CLTB: variants seen among roughly 807,000 people sequenced by gnomAD.
The protein encoded by CLTB is clathrin light chain B.
Under a neutral mutation model 30.5 loss-of-function variants are expected in CLTB, and 10 were observed. The ratio of observed to expected loss-of-function variants is 0.33; its 90% CI spans 0.20 to 0.56. The LOEUF (loss-of-function observed/expected upper bound fraction) is 0.56, where lower values mean the gene tolerates loss of function less well. Ranked by LOEUF, CLTB falls within the 20% of genes least tolerant of loss-of-function variation. CLTB has a pLI of 0.91. For missense variants in CLTB, 261 were observed against 308.3 expected, an observed-to-expected ratio of 0.85 and a Z score of 1.15; for synonymous variants, 102 against 120.3, an observed-to-expected ratio of 0.85 and a Z score of 1.00.
intron 1 of CLTB, among the ~76,000 whole-genome samples, 198 bp from the exon 2 acceptor site, chr5:176,410,501 T>C (rs1034200987): frequency 2.0e-5 from 3 of 152,134 alleles, no homozygotes; most frequent in Non-Finnish European, 4.4e-5. Flanking sequence ...CTCACAGCCA[T>C]TAGTACATTT....
chr5:176,415,276 A>C (rs1348218021), intron 1 of CLTB, among the ~76,000 whole-genome samples: 1 of 152,166 alleles, frequency 6.6e-6, no homozygotes, highest in African/African-American at 2.4e-5. Context: ...GAAGGGCCCT[A>C]CCGCATCTGA....
chr5:176,399,059 A>G (rs1238678578), intron 2 of CLTB, among the ~76,000 whole-genome samples: 1 of 151,948 alleles, frequency 6.6e-6, no homozygotes, highest in African/African-American at 2.4e-5. Flanking sequence ...GGTCAGGCTG[A>G]TCTCGAACTC....
chr5:176,394,910 C>G (rs2113624497), intron 5 of CLTB, among the ~76,000 whole-genome samples: 1 of 152,288 alleles, frequency 6.6e-6, no homozygotes, highest in East Asian at 1.9e-4. Flanking sequence ...TCAACAGAAG[C>G]ATCGAGCCCC....
intron 4 of CLTB, among the ~76,000 whole-genome samples, chr5:176,397,142 T>G (rs1023780973): frequency 6.6e-6 from 1 of 152,062 alleles, no homozygotes; most frequent in African/African-American, 2.4e-5. Context: ...CCTCCTTATC[T>G]CCATCTCCTC....
At chr5:176,400,120 C>T (rs1215171360) in intron 2 of CLTB, among the ~76,000 whole-genome samples, 3 of 150,206 alleles carry the variant, frequency 2.0e-5, no homozygotes, top group South Asian at 2.1e-4. Flanking sequence ...GAATCCGGGG[C>T]GGGGCAGGGG....
In CLTB at chr5:176,395,481, C is replaced by T. The variant is rs534150689; in HGVS notation, c.518+998G>A. Among the ~76,000 whole-genome samples, 578 of 152,324 alleles carry T rather than the reference C, an allele frequency of 3.8e-3. 4 individuals are homozygous for T. The highest frequency in any genetic ancestry group is 6.3e-3 in the Admixed American group (97 of 15,300). On this transcript the variant is annotated intron_variant, in intron 5 of 5. Coordinates refer to ENST00000310418, the MANE Select transcript of CLTB (RefSeq NM_007097.5). ...CGAAGGCTCTGGTGTGCTCTGTGCC[C>T]TGTGAGAGGAGGCTTAGCCTCGACA... is the stretch of plus-strand genomic sequence containing the variant.
intron 1 of CLTB, among the ~76,000 whole-genome samples, chr5:176,410,540 T>C (rs1271984197): frequency 6.6e-6 from 1 of 152,184 alleles, no homozygotes; most frequent in Non-Finnish European, 1.5e-5. Flanking sequence ...GCAATGAAAT[T>C]GTTGTCAACC....
intron 2 of CLTB, 141 bp downstream of exon 2, chr5:176,410,116 C>T: frequency 1.4e-6 from 1 of 717,100 alleles, no homozygotes; most frequent in South Asian, 1.9e-5. Flanking sequence ...ATTCCAAAAA[C>T]CTTTCTCTAT....
intron 5 of CLTB, among the ~76,000 whole-genome samples, chr5:176,395,607 T>C (rs1756481952): frequency 1.3e-5 from 2 of 152,112 alleles, no homozygotes; most frequent in Non-Finnish European, 2.9e-5. Flanking sequence ...CTCTACCAAC[T>C]AACTGACGTC....
chr5:176,393,079 G>A lies in CLTB; in HGVS notation c.519-134C>T, dbSNP rs748404741. 135 of 988,306 alleles carry A rather than the reference G, an allele frequency of 1.4e-4. No homozygotes were observed. Among genetic ancestry groups the A allele is most frequent in the Non-Finnish European group, 2.0e-4 (128 of 646,616 alleles). 61.2% of individuals were successfully genotyped at this position (988,306 alleles called of 1,614,324 possible). On this transcript the variant is annotated intron_variant, in intron 5 of 5. Coordinates refer to ENST00000310418, the MANE Select transcript of CLTB (RefSeq NM_007097.5). The surrounding 1 kb of genome is among the most constrained non-coding windows in gnomAD (Gnocchi z 4.4). ...GCCTTGTGCCCCCCTGACTTCAGAG[G>A]AGGGCAGCCTTGGCGCAGGAGGAAG...
intron 2 of CLTB, among the ~76,000 whole-genome samples, chr5:176,401,522 A>G (rs536448560): frequency 2.0e-5 from 3 of 152,224 alleles, no homozygotes; most frequent in Admixed American, 1.3e-4. Flanking sequence ...TCTGAGAAAA[A>G]GGCACCACAG....
At chr5:176,410,138 A>T in intron 2 of CLTB, 119 bp downstream of exon 2, 1 of 855,936 alleles carries the variant, frequency 1.2e-6, no homozygotes, top group Non-Finnish European at 1.9e-6. Context: ...TTTCCACCCC[A>T]ATGCATCAGA....
chr5:176,416,349 A>G lies in CLTB; in HGVS notation c.15T>C (p.Phe5=), dbSNP rs767330017. MADD[F]GFFSSSESGA... ...CGCTCTCCGACGACGAGAAGAAGCC[A>G]AAGTCATCAGCCATTTTCCCCGCGC... Residue 5 remains phenylalanine (F), a synonymous_variant, in exon 1 of 6, where the codon TTT becomes TTC. Transcript: ENST00000310418. 1.3e-6 allele frequency: 2 copies of G among 1,598,528 alleles called. No individual in the cohort carries two copies. The highest frequency in any genetic ancestry group is 1.7e-5 in the Admixed American group (1 of 58,960).
intron 2 of CLTB, among the ~76,000 whole-genome samples, chr5:176,402,533 G>A (rs1472839642): frequency 1.3e-5 from 2 of 151,932 alleles, no homozygotes; most frequent in Non-Finnish European, 2.9e-5. Flanking sequence ...CCTGCCTCCT[G>A]ATTGAGGCCT....
chr5:176,413,847 C>A (rs1561802837), intron 1 of CLTB, among the ~76,000 whole-genome samples: 1 of 152,222 alleles, frequency 6.6e-6, no homozygotes. Context: ...GGCAGCTGAG[C>A]CTTTGCAGAG....
At chr5:176,396,327 T>C in intron 5 of CLTB, 152 bp downstream of exon 5, 1 of 724,886 alleles carries the variant, frequency 1.4e-6, no homozygotes, top group Admixed American at 2.0e-5. Flanking sequence ...AGGTGGTTGC[T>C]GCCTGCACCC....
chr5:176,413,604 C>T (rs1757555339), intron 1 of CLTB, among the ~76,000 whole-genome samples: 1 of 152,224 alleles, frequency 6.6e-6, no homozygotes. Flanking sequence ...AGAGAAGGTG[C>T]CTCAGAGGTA....
chr5:176,412,531 A>G (rs1187025199), intron 1 of CLTB, among the ~76,000 whole-genome samples: 1 of 152,188 alleles, frequency 6.6e-6, no homozygotes, highest in Non-Finnish European at 1.5e-5. Context: ...TGTGCCTCCT[A>G]GCAAAAAGCC....
intron 5 of CLTB, among the ~76,000 whole-genome samples, chr5:176,394,672 G>A (rs565814356): frequency 6.0e-4 from 91 of 152,238 alleles, no homozygotes; most frequent in South Asian, 2.7e-3. Context: ...AAAATTAGCC[G>A]GGCATGGTGG....
Sources: gnomAD v4.1 joint callset for allele counts (sites outside exome capture counted in the v4.1 genomes callset) on GRCh38, gnomAD v4.1.1 for gene constraint, Gnocchi (gnomAD v3.1) non-coding constraint, MANE v1.5 for transcripts, NCBI Gene and HGNC (gene_info 2026-07-23, HGNC 2026-07-21) for gene names.